Variants in IQGAP2 observed in about 807,000 individuals in gnomAD.
The protein encoded by IQGAP2 is ras GTPase-activating-like protein IQGAP2.
A neutral mutation model predicts 201.3 loss-of-function variants in IQGAP2; 173 were observed. The observed-to-expected ratio is 0.86, with a 90% CI of 0.76 to 0.98. The LOEUF (loss-of-function observed/expected upper bound fraction) is 0.98, where lower values mean the gene tolerates loss of function less well. IQGAP2 is among the 50% of genes least tolerant of loss of function. The pLI is 0.00. For missense variants in IQGAP2, 1,687 were observed against 1,864.8 expected, an observed-to-expected ratio of 0.90 and a Z score of 1.76; for synonymous variants, 675 against 673.9, an observed-to-expected ratio of 1.00 and a Z score of -0.03.
intron 30 of IQGAP2, among the ~76,000 whole-genome samples, chr5:76,691,243 A>G (rs2150533076): frequency 6.6e-6 from 1 of 152,310 alleles, no homozygotes; most frequent in African/African-American, 2.4e-5. Context: ...CAAGGGAAAC[A>G]GGCTGTGTGA....
At chr5:76,618,596 A>C (rs1181839363) in intron 13 of IQGAP2, 2 of 1,613,872 alleles carry the variant, frequency 1.2e-6, no homozygotes, top group Non-Finnish European at 1.7e-6. Flanking sequence ...GAAAGGTCTT[A>C]ATGGGTAAGG....
chr5:76,544,786 CCA>C (rs1742993973), intron 2 of IQGAP2, among the ~76,000 whole-genome samples: 1 of 152,090 alleles, frequency 6.6e-6, no homozygotes, highest in Non-Finnish European at 1.5e-5. Context: ...GTTCCCCTTC[CCA>C]AAGGTAAACA....
chr5:76,548,058 T>G (rs114818962), intron 2 of IQGAP2, among the ~76,000 whole-genome samples: 277 of 152,330 alleles, frequency 1.8e-3, no homozygotes, highest in Non-Finnish European at 3.1e-3. Context: ...AATTGTTTCT[T>G]GAGGACCTGT....
At chr5:76,580,385 A>G (rs914903707) in intron 5 of IQGAP2, among the ~76,000 whole-genome samples, 2 of 152,154 alleles carry the variant, frequency 1.3e-5, no homozygotes, top group African/African-American at 4.8e-5. Context: ...ATAAGCCAAG[A>G]TCGCGCCACT....
chr5:76,593,488 C>T (rs1051481307), intron 9 of IQGAP2, among the ~76,000 whole-genome samples: 9 of 152,144 alleles, frequency 5.9e-5, no homozygotes, highest in African/African-American at 2.2e-4. Flanking sequence ...ATGAGTTCCT[C>T]TTAGTACCTG....
intron 1 of IQGAP2, among the ~76,000 whole-genome samples, chr5:76,453,144 G>A (rs1410500556): frequency 6.6e-6 from 1 of 152,004 alleles, no homozygotes; most frequent in Non-Finnish European, 1.5e-5. Flanking sequence ...TTGAACTCCT[G>A]ACCTCATGAT....
At chr5:76,489,300 A>G (rs1359514711) in intron 2 of IQGAP2, among the ~76,000 whole-genome samples, 1 of 152,104 alleles carries the variant, frequency 6.6e-6, no homozygotes, top group Admixed American at 6.5e-5. Context: ...ACAACTCTAT[A>G]GTTTTGTCTA....
chr5:76,404,572 TGTTTTGTTTGTGTGTGTGTGTG>T, intron 1 of IQGAP2: 1 of 812,390 alleles, frequency 1.2e-6, no homozygotes, highest in Non-Finnish European at 1.5e-6. Context: ...TTCAGCAGGG[TGTTTTGTTTGTGTGTGTGTGTG>T]GTTTTGGATG....
At position 76,613,107 on chromosome 5, in the gene IQGAP2, T is replaced by A. The variant is rs534556854; in HGVS notation, c.1521+1924T>A. 6.9e-4 allele frequency among the ~76,000 whole-genome samples: 105 copies of A among 152,324 alleles called. 1 individual carries two copies. The South Asian group carries it at 0.014, about 21-fold the overall frequency. ...CCCCCACTCACATCAGTCTTTCTCA[T>A]TTAAGCCTCATACCACCTGTGGAAT... On this transcript the variant is annotated intron_variant, in intron 13 of 35. Transcript: ENST00000274364.
At chr5:76,701,807 C>G (rs1747419672) in intron 34 of IQGAP2, 1 of 152,634 alleles carries the variant, frequency 6.6e-6, no homozygotes, top group Non-Finnish European at 1.5e-5. Flanking sequence ...CTGTTTATCC[C>G]ATGAAACCTC....
chr5:76,647,717 C>T (rs1262373826), intron 17 of IQGAP2, among the ~76,000 whole-genome samples: 25 of 152,044 alleles, frequency 1.6e-4, no homozygotes, highest in Admixed American at 1.6e-3. Context: ...CTGATTAATA[C>T]AGGCTCTAGT....
At chr5:76,654,080 T>C (rs1752718812) in intron 18 of IQGAP2, 120 bp from the exon 19 acceptor site, 1 of 617,336 alleles carries the variant, frequency 1.6e-6, no homozygotes, top group African/African-American at 1.9e-5. Flanking sequence ...CTTTTTTTCT[T>C]TATCAAGTAT....
intron 33 of IQGAP2, 71 bp from the exon 34 acceptor site, chr5:76,701,005 T>C (rs1747330921): frequency 6.7e-7 from 1 of 1,501,708 alleles, no homozygotes; most frequent in Non-Finnish European, 9.2e-7. Flanking sequence ...ACTCTGAGTA[T>C]GGTAATCGCA....
intron 1 of IQGAP2, among the ~76,000 whole-genome samples, chr5:76,460,609 A>C (rs1324094870): frequency 6.6e-6 from 1 of 152,162 alleles, no homozygotes; most frequent in East Asian, 1.9e-4. Flanking sequence ...GCAGAGGAAG[A>C]TTGAGAGCTT....
chr5:76,529,641 T>G (rs1349009787), intron 2 of IQGAP2, among the ~76,000 whole-genome samples: 1 of 47,808 alleles, frequency 2.1e-5, no homozygotes, highest in Non-Finnish European at 4.7e-5. Flanking sequence ...ATAATAATAA[T>G]AATAATAATA....
intron 2 of IQGAP2, among the ~76,000 whole-genome samples, chr5:76,492,457 G>A (rs1468699900): frequency 6.6e-6 from 1 of 152,170 alleles, no homozygotes; most frequent in East Asian, 1.9e-4. Flanking sequence ...GGAACGAGGA[G>A]GAGCACAAGG....
At chr5:76,706,041 A>G (rs1265293382) in intron 35 of IQGAP2, among the ~76,000 whole-genome samples, 2 of 152,208 alleles carry the variant, frequency 1.3e-5, no homozygotes, top group Non-Finnish European at 2.9e-5. Flanking sequence ...CAGTACAGAA[A>G]CAGAAGTAGC....
chr5:76,480,919 G>T (rs762494779), intron 2 of IQGAP2, among the ~76,000 whole-genome samples: 1 of 152,130 alleles, frequency 6.6e-6, no homozygotes, highest in African/African-American at 2.4e-5. Context: ...AGTACTGGTG[G>T]GTTTGGTGTC....
intron 35 of IQGAP2, among the ~76,000 whole-genome samples, chr5:76,703,198 C>G (rs1422854634): frequency 6.6e-6 from 1 of 152,256 alleles, no homozygotes; most frequent in South Asian, 2.1e-4. Flanking sequence ...CTCTGTCGCC[C>G]AGGCTGGAAT....
Sources: gnomAD v4.1 joint callset for allele counts (sites outside exome capture counted in the v4.1 genomes callset) on GRCh38, gnomAD v4.1.1 for gene constraint, MANE v1.5 for transcripts, NCBI Gene and HGNC (gene_info 2026-07-23, HGNC 2026-07-21) for gene names.